CLSPN: variants seen among roughly 807,000 people sequenced by gnomAD.
CLSPN encodes the protein claspin homolog.
A neutral mutation model predicts 156.3 loss-of-function variants in CLSPN; 85 were observed. The ratio of observed to expected loss-of-function variants is 0.54; its 90% CI spans 0.46 to 0.65. The LOEUF (loss-of-function observed/expected upper bound fraction) is 0.65. Among genes scored for constraint, CLSPN ranks in the 30% least tolerant of loss-of-function variants. CLSPN has a pLI of 0.00. For missense variants in CLSPN, 1,407 were observed against 1,554.9 expected (o/e 0.90, Z 1.60); for synonymous variants, 534 against 542.4 (o/e 0.98, Z 0.22).
chr1:35,743,886 T>C lies in CLSPN; in HGVS notation c.2967-356A>G, dbSNP rs1378382251. Among the ~76,000 whole-genome samples, 4 of 152,340 alleles carry C rather than the reference T, an allele frequency of 2.6e-5. No homozygotes were observed. In the East Asian group the frequency reaches 7.7e-4, roughly 29 times the overall value. ...ATCTGCTTGCCTTGGGCTCCCAAAG[T>C]ACTGGGATTATAGGTATGAGCCACC... On this transcript the variant is annotated intron_variant, in intron 16 of 24. Coordinates refer to ENST00000318121, the MANE Select transcript of CLSPN (RefSeq NM_022111.4).
intron 15 of CLSPN, 128 bp from the exon 16 acceptor site, chr1:35,745,690 A>G (rs1274728759): frequency 1.5e-6 from 1 of 651,664 alleles, no homozygotes; most frequent in Non-Finnish European, 2.7e-6. Context: ...CCTACCATCT[A>G]TTCATTCAAC....
chr1:35,730,567 T>TAAAA, downstream of CLSPN, among the ~76,000 whole-genome samples: 1 of 62,002 alleles, frequency 1.6e-5, no homozygotes, highest in Non-Finnish European at 3.0e-5. Flanking sequence ...GAATCCATAT[T>TAAAA]AAAAAAAAAA....
chr1:35,751,785 AG>A (rs1642094444), intron 9 of CLSPN, among the ~76,000 whole-genome samples: 1 of 151,892 alleles, frequency 6.6e-6, no homozygotes, highest in Non-Finnish European at 1.5e-5. Flanking sequence ...GTGGCTCAAA[AG>A]CCATGAAGAA....
chr1:35,739,643 G>T, intron 18 of CLSPN, 114 bp from the exon 19 acceptor site: 1 of 718,124 alleles, frequency 1.4e-6, no homozygotes, highest in Non-Finnish European at 2.1e-6. Flanking sequence ...TAATACATTT[G>T]ATAATATTTA....
intron 17 of CLSPN, 97 bp downstream of exon 17, chr1:35,743,358 C>A: frequency 7.2e-7 from 1 of 1,386,194 alleles, no homozygotes; most frequent in Non-Finnish European, 1.0e-6. Context: ...TGATAAGATG[C>A]CAAACTTAGA....
Position 35,753,895 on chromosome 1 carries a change from G to C in CLSPN, c.1621C>G (p.Pro541Ala). ...TGACCAGCCCTGGGTTTGGCTGCTG[G>C]ATTAGCATGCTTCCAGAAACGCTGC... is the stretch of plus-strand genomic sequence containing the variant. The part of the protein sequence containing the change: ...LKQRFWKHAN[P>A]AAKPRAGQTV... The change falls in exon 9 of 25, where the codon CCA becomes GCA. Residue 541 changes from proline (P) to alanine (A), a missense_variant. Transcript: ENST00000318121. The C allele has an allele frequency of 6.2e-7, 1 of 1,614,178 alleles. No individual in the cohort carries two copies.
chr1:35,725,428 GC>G (rs1326781903), intron 24 of CLSPN, among the ~76,000 whole-genome samples: 1 of 152,158 alleles, frequency 6.6e-6, no homozygotes, highest in Non-Finnish European at 1.5e-5. Context: ...AGACGGAGAA[GC>G]TGAAGTGAAG....
chr1:35,733,362 C>A lies in CLSPN; in HGVS notation c.*3134G>T, dbSNP rs141747656. The A allele has an allele frequency of 3.8e-4, 128 of 340,942 alleles. No homozygotes were observed. The highest frequency in any genetic ancestry group is 2.7e-3 in the African/African-American group (118 of 44,416). 21.1% of individuals were successfully genotyped at this position (340,942 alleles called of 1,614,324 possible). On this transcript the variant is annotated 3_prime_UTR_variant, in exon 25 of 25. Transcript: ENST00000318121. ...TAGAGTTGGGATTTCACCATGTTTC[C>A]CAGGCTGGTCTCGAACTCCTGAGTT...
intron 1 of CLSPN, among the ~76,000 whole-genome samples, chr1:35,768,775 C>A (rs1193806719): frequency 1.3e-5 from 2 of 151,964 alleles, no homozygotes; most frequent in African/African-American, 4.8e-5. Context: ...GTGTGGAAAC[C>A]GAATTTAGGT....
At chr1:35,730,079 T>C (rs893906500), downstream of CLSPN, among the ~76,000 whole-genome samples, 8 of 152,324 alleles carry the variant, frequency 5.3e-5, 1 homozygote, top group Admixed American at 3.9e-4. Flanking sequence ...CCATCACTCA[T>C]TGCTCAAAAA....
At chr1:35,721,112 G>A (rs1434513906) in intron 24 of CLSPN, 3 of 607,484 alleles carry the variant, frequency 4.9e-6, no homozygotes, top group Non-Finnish European at 2.9e-6. Context: ...AGCCTAACTT[G>A]AGTGGAATTT....
chr1:35,732,806 G>T lies in CLSPN; in HGVS notation c.*3690C>A. 1.0e-6 allele frequency: 1 copy of T among 985,378 alleles called. No homozygotes were observed. The highest frequency in any genetic ancestry group is 1.2e-6 in the Non-Finnish European group (1 of 829,932). 61.0% of individuals were successfully genotyped at this position (985,378 alleles called of 1,614,324 possible). On this transcript the variant is annotated 3_prime_UTR_variant, in exon 25 of 25. Transcript: ENST00000318121. Reference sequence around the variant, plus strand: ...CTTTGGGCAAAGGGCATATGGGTCAGATTGAAACTGTCCATGTCAATCCTG... The same window carrying T: ...CTTTGGGCAAAGGGCATATGGGTCATATTGAAACTGTCCATGTCAATCCTG...
At chr1:35,769,364 G>A (rs1326808397) in intron 1 of CLSPN, among the ~76,000 whole-genome samples, 2 of 152,204 alleles carry the variant, frequency 1.3e-5, no homozygotes, top group Non-Finnish European at 2.9e-5. Flanking sequence ...AAAACGCAAA[G>A]GGCCTGCGCG....
At chr1:35,737,654 G>C (rs1641522865) in intron 22 of CLSPN, 2 of 471,386 alleles carry the variant, frequency 4.2e-6, no homozygotes, top group South Asian at 8.4e-5. Flanking sequence ...GAATAGTGAA[G>C]AGCTTCATTT....
intron 8 of CLSPN, among the ~76,000 whole-genome samples, 153 bp from the exon 9 acceptor site, chr1:35,754,089 C>G (rs1487673083): frequency 1.3e-5 from 2 of 152,208 alleles, no homozygotes; most frequent in Non-Finnish European, 2.9e-5. Context: ...ACTCCTGAGT[C>G]AAATTCATAC....
chr1:35,732,781 C>T lies in CLSPN; in HGVS notation c.*3715G>A. 1.0e-6 allele frequency: 1 copy of T among 985,356 alleles called. No individual in the cohort carries two copies. Among genetic ancestry groups the T allele is most frequent in the South Asian group, 4.7e-5 (1 of 21,282 alleles). The allele number at this position is 985,356 out of a possible 1,614,324, so 61.0% of individuals were successfully genotyped here. A position where few individuals can be genotyped will look rare whatever the true frequency, so the allele number is the denominator to read the frequency against. On this transcript the variant is annotated 3_prime_UTR_variant, in exon 25 of 25. Transcript: ENST00000318121. ...CATAACTGATGCTGCTGGCTCAGTGCTTTGGGCAAAGGGCATATGGGTCAG... is the reference window on the plus strand; with the variant it reads ...CATAACTGATGCTGCTGGCTCAGTGTTTTGGGCAAAGGGCATATGGGTCAG...
downstream of CLSPN, among the ~76,000 whole-genome samples, chr1:35,731,028 C>G (rs993926847): frequency 5.3e-5 from 8 of 151,768 alleles, no homozygotes; most frequent in African/African-American, 1.9e-4. Flanking sequence ...AGTGAAACCC[C>G]GTCTCTACTG....
intron 9 of CLSPN, among the ~76,000 whole-genome samples, chr1:35,752,638 T>A (rs60860552): frequency 6.1e-4 from 91 of 149,082 alleles, no homozygotes; most frequent in African/African-American, 2.1e-3. Context: ...ATCTGAGCTC[T>A]GGAGTTAGGT....
chr1:35,763,153 T>C lies in CLSPN; in HGVS notation c.744+7A>G, dbSNP rs772406079. ...ATTAACTCTTATTGCAATCATGCTT[T>C]ACTTGCCTTGTGCTTTTTTACTTTG... On this transcript the variant is annotated splice_region_variant and intron_variant, in intron 4 of 24. Coordinates refer to ENST00000318121, the MANE Select transcript of CLSPN (RefSeq NM_022111.4). The C allele has an allele frequency of 6.5e-7, 1 of 1,550,166 alleles. No homozygotes were observed. Among genetic ancestry groups the C allele is most frequent in the Non-Finnish European group, 8.7e-7 (1 of 1,152,872 alleles).
Sources: gnomAD v4.1 joint callset for allele counts (sites outside exome capture counted in the v4.1 genomes callset) on GRCh38, gnomAD v4.1.1 for gene constraint, MANE v1.5 for transcripts, NCBI Gene and HGNC (gene_info 2026-07-23, HGNC 2026-07-21) for gene names.